GOLGA8G: variants seen among roughly 807,000 people sequenced by gnomAD.
GOLGA8G encodes golgin subfamily A member 8G.
In GOLGA8G, 1 loss-of-function variant was observed where a neutral mutation model predicts 12.8. That is an observed-to-expected ratio of 0.08 (90% CI 0.03 to 0.37). The LOEUF (loss-of-function observed/expected upper bound fraction) is 0.37, where lower values mean the gene tolerates loss of function less well. Among genes scored for constraint, GOLGA8G ranks in the 10% least tolerant of loss-of-function variants. GOLGA8G has a pLI of 0.99. For synonymous variants in GOLGA8G, 9 were observed against 36.7 expected (o/e 0.25, Z 2.73); for missense variants, 12 against 97.4 (o/e 0.12, Z 3.69).
At chr15:28,531,588 AG>A (rs1244078039) in intron 1 of GOLGA8G, among the ~76,000 whole-genome samples, 1 of 117,882 alleles carries the variant, frequency 8.5e-6, no homozygotes, top group East Asian at 2.0e-4. Context: ...GGAATTTATC[AG>A]AAAGAGGACA....
rs1186894214 is a variant in GOLGA8G at position 28,520,493 on chromosome 15, C to CT, written c.*2079dup. The CT allele has an allele frequency of 7.6e-6, 1 of 131,508 alleles. No homozygotes were observed. The highest frequency in any genetic ancestry group is 3.2e-5 in the African/African-American group (1 of 31,736). 8.1% of individuals were successfully genotyped at this position (131,508 alleles called of 1,614,324 possible). Reference sequence around the variant, plus strand: ...ATTGGTTACAGATGCTCGTAGTTGTCTTTAAACTGAACTCAAAGAATGCAA... The same window carrying CT: ...ATTGGTTACAGATGCTCGTAGTTGTCTTTTAAACTGAACTCAAAGAATGCAA... On this transcript the variant is annotated 3_prime_UTR_variant, in exon 19 of 19. Transcript: ENST00000525590.
rs772863835 is a variant in GOLGA8G at position 28,523,925 on chromosome 15, A to AG, written c.1407+17dup. The stretch of plus-strand genomic sequence containing the variant: ...CAGAGGAAGGAGGCAAAATGGGTTC[A>AG]GGTGGAGTCAGGCTTACCATGGCCT... On this transcript the variant is annotated intron_variant, in intron 15 of 18. Coordinates refer to ENST00000525590, the MANE Select transcript of GOLGA8G (RefSeq NM_001350919.3). 2.4e-3 allele frequency: 962 copies of AG among 408,230 alleles called. 351 individuals are homozygous for AG. Among genetic ancestry groups the AG allele is most frequent in the Middle Eastern group, 8.5e-3 (21 of 2,480 alleles). 25.3% of individuals were successfully genotyped at this position (408,230 alleles called of 1,614,324 possible). A position where few individuals can be genotyped will look rare whatever the true frequency, so the allele number is the denominator to read the frequency against.
rs1296504816 is a variant in GOLGA8G, at chr15:28,520,541, AAGGCAAGGAC to A, written c.*2022_*2031del. The stretch of plus-strand genomic sequence containing the variant: ...CAAAAACATCAAGTTCAGAAAATAA[AAGGCAAGGAC>A]AGGACTTTAAGTGCATTTTAAAGCC... On this transcript the variant is annotated 3_prime_UTR_variant, in exon 19 of 19. Coordinates refer to ENST00000525590, the MANE Select transcript of GOLGA8G (RefSeq NM_001350919.3). The A allele has an allele frequency of 7.4e-6, 1 of 134,250 alleles. No homozygotes were observed. The highest frequency in any genetic ancestry group is 7.5e-5 in the Admixed American group (1 of 13,288). 8.3% of individuals were successfully genotyped at this position (134,250 alleles called of 1,614,324 possible).
rs551889339 is a variant in GOLGA8G at position 28,526,496 on chromosome 15, G to A, written c.929C>T (p.Pro310Leu). The change falls in exon 12 of 19, where the codon CCG (proline) becomes CTG (leucine). Residue 310 changes from proline to leucine, a missense_variant. Physicochemically the swap from Pro to Leu is moderately conservative, Grantham distance 98 (BLOSUM62 -3). Transcript: ENST00000525590. ...LKHQMAEPLP[P>L]EPPAVPSEVE... Reference sequence around the variant, plus strand: ...CTCAGAGGGCACTGCTGGGGGCTCCGGGGGCAGAGGTTCAGCTGAGAAAGG... The same window carrying A: ...CTCAGAGGGCACTGCTGGGGGCTCCAGGGGCAGAGGTTCAGCTGAGAAAGG... 82 of 494,880 alleles carry A rather than the reference G, an allele frequency of 1.7e-4. 9 individuals carry two copies. Among genetic ancestry groups the A allele is most frequent in the South Asian group, 1.3e-3 (66 of 50,874 alleles). The allele number at this position is 494,880 out of a possible 1,614,324, so 30.7% of individuals were successfully genotyped here.
rs1227735717 is a variant in GOLGA8G, at chr15:28,520,361, TG to T, written c.*2211del. On this transcript the variant is annotated 3_prime_UTR_variant, in exon 19 of 19. Transcript: ENST00000525590. ...ATACGACAAATATCTACACAAAGAGTGGTATTTCCGTTAATACAGTCAATTT... is the reference window on the plus strand; with the variant it reads ...ATACGACAAATATCTACACAAAGAGTGTATTTCCGTTAATACAGTCAATTT... The T allele has an allele frequency of 1.3e-5, 2 of 151,550 alleles. No individual in the cohort carries two copies. Among genetic ancestry groups the T allele is most frequent in the African/African-American group, 4.9e-5 (2 of 40,858 alleles). The allele number at this position is 151,550 out of a possible 1,614,324, so 9.4% of individuals were successfully genotyped here.
rs1290408897 is a variant in GOLGA8G, at chr15:28,526,348, C to T, written c.1077G>A (p.Gln359=). The T allele has an allele frequency of 6.0e-6, 3 of 501,406 alleles. No individual in the cohort carries two copies. Among genetic ancestry groups the T allele is most frequent in the Middle Eastern group, 9.0e-4 (2 of 2,222 alleles). 31.1% of individuals were successfully genotyped at this position (501,406 alleles called of 1,614,324 possible). A position where few individuals can be genotyped will look rare whatever the true frequency, so the allele number is the denominator to read the frequency against. Residue 359 remains glutamine, a synonymous_variant, in exon 12 of 19, where the codon CAG becomes CAA. Transcript: ENST00000525590. ...NEGQKERLRE[Q]EERLQEQQER... is the part of the protein sequence containing the mutation. ...CCTGCTGCTCCTGAAGCCTCTCCTCCTGCTCCCGAAGCCTCTCCTTTTGCC... is the reference window on the plus strand; with the variant it reads ...CCTGCTGCTCCTGAAGCCTCTCCTCTTGCTCCCGAAGCCTCTCCTTTTGCC...
rs2078507376 is a variant in GOLGA8G, at chr15:28,520,124, TATTGA to T, written c.*2444_*2448del. On this transcript the variant is annotated 3_prime_UTR_variant, in exon 19 of 19. Coordinates refer to ENST00000525590, the MANE Select transcript of GOLGA8G (RefSeq NM_001350919.3). The stretch of plus-strand genomic sequence containing the variant: ...GATTCTTCCTACAGAAATTCAAATT[TATTGA>T]ATTGAACTCACATTTTAGAATTCTG... 6.6e-6 allele frequency: 1 copy of T among 151,530 alleles called. No individual in the cohort carries two copies. The highest frequency in any genetic ancestry group is 1.5e-5 in the Non-Finnish European group (1 of 67,962). 9.4% of individuals were successfully genotyped at this position (151,530 alleles called of 1,614,324 possible).
chr15:28,531,876 G>C (rs1185167515), intron 1 of GOLGA8G, among the ~76,000 whole-genome samples: 5 of 150,374 alleles, frequency 3.3e-5, no homozygotes, highest in Admixed American at 1.3e-4. Context: ...GGGCAGTCTG[G>C]TCCCAGAACC....
At position 28,527,422 on chromosome 15, in the gene GOLGA8G, G is replaced by GTGCTGACA. The variant is rs2078605568; in HGVS notation, c.693_694insTGTCAGCA (p.Leu232CysfsTer5). The GTGCTGACA allele has an allele frequency of 4.1e-6, 3 of 739,128 alleles. No homozygotes were observed. In the Admixed American group the frequency reaches 5.4e-5, roughly 13 times the overall value. The allele number at this position is 739,128 out of a possible 1,614,324, so 45.8% of individuals were successfully genotyped here. A position where few individuals can be genotyped will look rare whatever the true frequency, so the allele number is the denominator to read the frequency against. On this transcript the variant is annotated frameshift_variant, in exon 9 of 19. Transcript: ENST00000525590. LOFTEE classifies it high-confidence loss of function. ...ACCTGTGTCAGCTGCGCTTTCAGCA[G>GTGCTGACA]TGCCTGCTCCCGCATGGACTGCTCT...
rs2078527894 is a variant in GOLGA8G, at chr15:28,521,286, TCAACTAA to T, written c.*1280_*1286del. 1 of 128,334 alleles carries T rather than the reference TCAACTAA, an allele frequency of 7.8e-6. No homozygotes were observed. The allele number at this position is 128,334 out of a possible 1,614,324, so 7.9% of individuals were successfully genotyped here. A position where few individuals can be genotyped will look rare whatever the true frequency, so the allele number is the denominator to read the frequency against. ...CTGTCTACTAAAACTCCTTTTTGTT[TCAACTAA>T]GCACTCTCACATATATTAGTTTATA... is the stretch of plus-strand genomic sequence containing the variant. On this transcript the variant is annotated 3_prime_UTR_variant, in exon 19 of 19. Coordinates refer to ENST00000525590, the MANE Select transcript of GOLGA8G (RefSeq NM_001350919.3).
chr15:28,526,552 A>C lies in GOLGA8G; in HGVS notation c.914-41T>G, dbSNP rs747861766. On this transcript the variant is annotated intron_variant, in intron 11 of 18. Coordinates refer to ENST00000525590, the MANE Select transcript of GOLGA8G (RefSeq NM_001350919.3). ...GACAATAAGAGCCTCTGGATTCCAAAAAAAAAAAAAGAAAAGAAAAGAAAA... is the reference window on the plus strand; with the variant it reads ...GACAATAAGAGCCTCTGGATTCCAACAAAAAAAAAAGAAAAGAAAAGAAAA... 11 of 687,254 alleles carry C rather than the reference A, an allele frequency of 1.6e-5. No homozygotes were observed. The African/African-American group carries it at 3.3e-4, about 20-fold the overall frequency. 42.6% of individuals were successfully genotyped at this position (687,254 alleles called of 1,614,324 possible).
chr15:28,526,563 GAAA>G, intron 11 of GOLGA8G, 52 bp from the exon 12 acceptor site: 1 of 630,750 alleles, frequency 1.6e-6, no homozygotes. Context: ...AAAAAAAAAA[GAAA>G]AGAAAAGAAA....
At chr15:28,526,636 G>A (rs2078595076) in intron 11 of GOLGA8G, 125 bp from the exon 12 acceptor site, 2 of 361,570 alleles carry the variant, frequency 5.5e-6, no homozygotes, top group Non-Finnish European at 8.7e-6. Context: ...TAGCCTCACT[G>A]CTAATGATTC....
In GOLGA8G at chr15:28,521,294, G is replaced by GTTTTTTTT. The variant is rs2078528153; in HGVS notation, c.*1278_*1279insAAAAAAAA. 1 of 128,880 alleles carries GTTTTTTTT rather than the reference G, an allele frequency of 7.8e-6. No homozygotes were observed. The allele number at this position is 128,880 out of a possible 1,614,324, so 8.0% of individuals were successfully genotyped here. ...TAAAACTCCTTTTTGTTTCAACTAA[G>GTTTTTTTT]CACTCTCACATATATTAGTTTATAA... On this transcript the variant is annotated 3_prime_UTR_variant, in exon 19 of 19. Transcript: ENST00000525590.
Position 28,526,492 on chromosome 15 carries a change from C to G in GOLGA8G, c.933G>C (p.Glu311Asp). The stretch of plus-strand genomic sequence containing the variant: ...CCACCTCAGAGGGCACTGCTGGGGG[C>G]TCCGGGGGCAGAGGTTCAGCTGAGA... The part of the protein sequence containing the change: ...KHQMAEPLPP[E>D]PPAVPSEVEL... The change falls in exon 12 of 19, where the codon GAG becomes GAC. Residue 311 changes from glutamate to aspartate, a missense_variant. Transcript: ENST00000525590. 1 of 496,204 alleles carries G rather than the reference C, an allele frequency of 2.0e-6. No individual in the cohort carries two copies. Among genetic ancestry groups the G allele is most frequent in the Non-Finnish European group, 3.1e-6 (1 of 327,142 alleles). The allele number at this position is 496,204 out of a possible 1,614,324, so 30.7% of individuals were successfully genotyped here. A position where few individuals can be genotyped will look rare whatever the true frequency, so the allele number is the denominator to read the frequency against.
At position 28,526,496 on chromosome 15, in the gene GOLGA8G, G is replaced by C; in HGVS notation, c.929C>G (p.Pro310Arg). Residue 310 changes from proline to arginine, a missense_variant, in exon 12 of 19, where the codon CCG (proline) becomes CGG (arginine). Physicochemically the swap from Pro to Arg is moderately radical, Grantham distance 103. Around this residue, in one of 2 missense-constraint regions of GOLGA8G, gnomAD observed 12 missense variants for 47.1 expected, o/e 0.25. Transcript: ENST00000525590. The stretch of plus-strand genomic sequence containing the variant: ...CTCAGAGGGCACTGCTGGGGGCTCC[G>C]GGGGCAGAGGTTCAGCTGAGAAAGG... ...LKHQMAEPLPPEPPAVPSEVE... is the reference protein window; with the variant it reads ...LKHQMAEPLPREPPAVPSEVE... 4.0e-6 allele frequency: 2 copies of C among 494,884 alleles called. No homozygotes were observed. The highest frequency in any genetic ancestry group is 6.1e-6 in the Non-Finnish European group (2 of 326,264). 30.7% of individuals were successfully genotyped at this position (494,884 alleles called of 1,614,324 possible). A position where few individuals can be genotyped will look rare whatever the true frequency, so the allele number is the denominator to read the frequency against.
Position 28,524,036 on chromosome 15 carries a change from T to TG in GOLGA8G, c.1316-3dup. On this transcript the variant is annotated splice_region_variant and splice_polypyrimidine_tract_variant and intron_variant, in intron 14 of 18. Coordinates refer to ENST00000525590, the MANE Select transcript of GOLGA8G (RefSeq NM_001350919.3). ...TGTCCAGATGTCCTCCTCCATCTCCTGGGGGTGGGGGTGGTGGCCAGAGGG... is the reference window on the plus strand; with the variant it reads ...TGTCCAGATGTCCTCCTCCATCTCCTGGGGGGTGGGGGTGGTGGCCAGAGGG... 2.9e-6 allele frequency: 1 copy of TG among 343,402 alleles called. No homozygotes were observed. Among genetic ancestry groups the TG allele is most frequent in the Non-Finnish European group, 5.4e-6 (1 of 186,018 alleles). 21.3% of individuals were successfully genotyped at this position (343,402 alleles called of 1,614,324 possible). A position where few individuals can be genotyped will look rare whatever the true frequency, so the allele number is the denominator to read the frequency against.
In GOLGA8G at chr15:28,520,066, TATTA is replaced by T. The variant is rs2078505449; in HGVS notation, c.*2503_*2506del. 1 of 151,304 alleles carries T rather than the reference TATTA, an allele frequency of 6.6e-6. No individual in the cohort carries two copies. The highest frequency in any genetic ancestry group is 1.5e-5 in the Non-Finnish European group (1 of 67,938). The allele number at this position is 151,304 out of a possible 1,614,324, so 9.4% of individuals were successfully genotyped here. A position where few individuals can be genotyped will look rare whatever the true frequency, so the allele number is the denominator to read the frequency against. ...TTTAATCCAATACTTTAAAAATGATTATTATATATTGCAATCTTTAAATCGGTGA... is the reference window on the plus strand; with the variant it reads ...TTTAATCCAATACTTTAAAAATGATTTATATTGCAATCTTTAAATCGGTGA... On this transcript the variant is annotated 3_prime_UTR_variant, in exon 19 of 19. Transcript: ENST00000525590.
rs1278058867 is a variant in GOLGA8G at position 28,531,335 on chromosome 15, CG to C, written c.85-208del. Among the ~76,000 whole-genome samples the C allele has an allele frequency of 3.1e-4, 35 of 114,028 alleles. 1 individual carries two copies. The highest frequency in any genetic ancestry group is 6.4e-4 in the Non-Finnish European group (34 of 52,738). 74.8% of individuals were successfully genotyped at this position (114,028 alleles called of 152,430 possible). A position where few individuals can be genotyped will look rare whatever the true frequency, so the allele number is the denominator to read the frequency against. The stretch of plus-strand genomic sequence containing the variant: ...AAGAAGAAAAGAAAAAGGCGACAGA[CG>C]AACTTTGAAACTCAGTCTTCTGACT... On this transcript the variant is annotated intron_variant, in intron 1 of 18. Coordinates refer to ENST00000525590, the MANE Select transcript of GOLGA8G (RefSeq NM_001350919.3).
Sources: gnomAD v4.1 joint callset for allele counts (sites outside exome capture counted in the v4.1 genomes callset) on GRCh38, gnomAD v4.1.1 for gene constraint, gnomAD v4.1.1 regional missense constraint, MANE v1.5 for transcripts, NCBI Gene and HGNC (gene_info 2026-07-23, HGNC 2026-07-21) for gene names.